CHST6: variants seen among roughly 807,000 people sequenced by gnomAD.
The protein encoded by CHST6 is N-acetylglucosamine 6-O-sulfotransferase 5.
For missense variants in CHST6, 698 were observed against 586.2 expected (o/e 1.19, Z -1.97); for synonymous variants, 309 against 276.4 (o/e 1.12, Z -1.17).
rs2080049771 is a variant in CHST6, at chr16:75,474,781, C to G, written c.*3860G>C. ...TAAAAGGCACCACTCTCAGGATAAC[C>G]AACTCACTCCTGAAATAATGGTGGT... is the stretch of plus-strand genomic sequence containing the variant. On this transcript the variant is annotated 3_prime_UTR_variant, in exon 3 of 3. Transcript: ENST00000332272. 7.5e-6 allele frequency: 3 copies of G among 397,914 alleles called. No homozygotes were observed. The highest frequency in any genetic ancestry group is 1.3e-5 in the Non-Finnish European group (3 of 225,736). The allele number at this position is 397,914 out of a possible 1,614,324, so 24.6% of individuals were successfully genotyped here. A position where few individuals can be genotyped will look rare whatever the true frequency, so the allele number is the denominator to read the frequency against.
chr16:75,487,806 T>TAAAAAAAAAAAA (rs771817845), intron 1 of CHST6, among the ~76,000 whole-genome samples: 1 of 56,200 alleles, frequency 1.8e-5, no homozygotes, highest in African/African-American at 6.7e-5. Flanking sequence ...CCGTCCCCCC[T>TAAAAAAAAAAAA]AAAAAAAAAA....
At chr16:75,483,311 G>C (rs115391877) in intron 1 of CHST6, among the ~76,000 whole-genome samples, 59 of 152,302 alleles carry the variant, frequency 3.9e-4, no homozygotes, top group African/African-American at 1.4e-3. Flanking sequence ...CCCTTCCCTG[G>C]GTAGGGAGGA....
chr16:75,479,906 G>T (rs1189429451), intron 2 of CHST6, 62 bp from the exon 3 acceptor site: 4 of 1,413,964 alleles, frequency 2.8e-6, no homozygotes, highest in African/African-American at 1.4e-5. Context: ...GTACCCCACT[G>T]CCCAGTGCCC....
chr16:75,482,997 A>G (rs902671001), intron 1 of CHST6, among the ~76,000 whole-genome samples: 2 of 152,202 alleles, frequency 1.3e-5, no homozygotes, highest in Non-Finnish European at 2.9e-5. Context: ...GCTTCCTGCC[A>G]ATGGGGCGCC....
At chr16:75,479,945 G>T (rs980101417) in intron 2 of CHST6, 101 bp from the exon 3 acceptor site, 1 of 977,200 alleles carries the variant, frequency 1.0e-6, no homozygotes, top group Non-Finnish European at 1.5e-6. Flanking sequence ...CACCAGACCC[G>T]AGCATCCCAT....
intron 2 of CHST6, among the ~76,000 whole-genome samples, chr16:75,480,651 G>A (rs1475704073): frequency 6.6e-6 from 1 of 151,878 alleles, no homozygotes; most frequent in Non-Finnish European, 1.5e-5. Context: ...AATAGGCGCT[G>A]GGCGTGGTGG....
rs2080028315 is a variant in CHST6, at chr16:75,472,148, TATG to T, written c.*6490_*6492del. On this transcript the variant is annotated 3_prime_UTR_variant, in exon 3 of 3. Transcript: ENST00000332272. ...TAAGGAAAGGATTCACATTCAACAA[TATG>T]ATAAACTAGGTGAAACTTTTTGAAA... 1 of 152,224 alleles carries T rather than the reference TATG, an allele frequency of 6.6e-6. No homozygotes were observed. The highest frequency in any genetic ancestry group is 2.1e-4 in the South Asian group (1 of 4,830). The allele number at this position is 152,224 out of a possible 1,614,324, so 9.4% of individuals were successfully genotyped here.
rs183203023 is a variant in CHST6, at chr16:75,482,040, A to G, written c.-91-149T>C. The G allele has an allele frequency of 4.9e-3, 1,731 of 356,778 alleles. 6 individuals are homozygous for G. The highest frequency in any genetic ancestry group is 7.3e-3 in the Admixed American group (211 of 28,756). The allele number at this position is 356,778 out of a possible 1,614,324, so 22.1% of individuals were successfully genotyped here. A position where few individuals can be genotyped will look rare whatever the true frequency, so the allele number is the denominator to read the frequency against. On this transcript the variant is annotated intron_variant, in intron 1 of 2. Coordinates refer to ENST00000332272, the MANE Select transcript of CHST6 (RefSeq NM_021615.5). ...AGGGCTGTGAGATGCTGCTGCAAAC[A>G]CCTATGAAGAGGGGGCCTGGGAAAG...
Position 75,479,133 on chromosome 16 carries a change from C to G in CHST6, c.696G>C (p.Trp232Cys), listed in dbSNP as rs770503234. ...NGIVLGTNGTWVEADPGLRVV... is the reference protein window; with the variant it reads ...NGIVLGTNGTCVEADPGLRVV... The stretch of plus-strand genomic sequence containing the variant: ...CGCGCAGGCCGGGGTCGGCCTCCAC[C>G]CACGTGCCGTTGGTGCCCAGCACGA... The change falls in exon 3 of 3, where the codon TGG becomes TGC. Residue 232 changes from tryptophan to cysteine, a missense_variant. Trp to Cys is a radical substitution (Grantham distance 215). Coordinates refer to ENST00000332272, the MANE Select transcript of CHST6 (RefSeq NM_021615.5). 6.2e-7 allele frequency: 1 copy of G among 1,606,374 alleles called. No individual in the cohort carries two copies.
At chr16:75,485,802 A>C (rs1368700530) in intron 1 of CHST6, among the ~76,000 whole-genome samples, 2 of 152,200 alleles carry the variant, frequency 1.3e-5, no homozygotes, top group Non-Finnish European at 2.9e-5. Context: ...ACATCTGGCT[A>C]TGTGACGGTC....
intron 2 of CHST6, among the ~76,000 whole-genome samples, chr16:75,480,047 G>A (rs556425555): frequency 5.9e-5 from 9 of 152,300 alleles, no homozygotes; most frequent in South Asian, 2.1e-4. Flanking sequence ...AAGTACAAAT[G>A]CAGAATGCGG....
chr16:75,486,354 A>G (rs72789430), intron 1 of CHST6, among the ~76,000 whole-genome samples: 3,671 of 152,304 alleles, frequency 0.024, 73 homozygotes, highest in South Asian at 0.091. Flanking sequence ...TCCACTCAGT[A>G]CCCGTTTTTC....
At chr16:75,481,592 T>C (rs2080142632) in intron 2 of CHST6, among the ~76,000 whole-genome samples, 1 of 152,132 alleles carries the variant, frequency 6.6e-6, no homozygotes, top group Admixed American at 6.6e-5. Flanking sequence ...TGAGACTCTT[T>C]CTCAAAAACA....
intron 1 of CHST6, among the ~76,000 whole-genome samples, chr16:75,486,786 T>A (rs1446679825): frequency 6.6e-6 from 1 of 152,158 alleles, no homozygotes; most frequent in Non-Finnish European, 1.5e-5. Flanking sequence ...TTCTGTCACT[T>A]ACACCCAAGA....
Position 75,476,272 on chromosome 16 carries a change from C to T in CHST6, c.*2369G>A, listed in dbSNP as rs1003474386. On this transcript the variant is annotated 3_prime_UTR_variant, in exon 3 of 3. Transcript: ENST00000332272. The stretch of plus-strand genomic sequence containing the variant: ...GACATTCTTTAAAAGGCCCTGGAGA[C>T]TGGGTACAGTGGCTCATGCCTGTAA... The T allele has an allele frequency of 6.6e-6, 1 of 151,306 alleles. No homozygotes were observed. Among genetic ancestry groups the T allele is most frequent in the African/African-American group, 2.4e-5 (1 of 41,118 alleles). The allele number at this position is 151,306 out of a possible 1,614,324, so 9.4% of individuals were successfully genotyped here.
chr16:75,485,069 A>G (rs1000221234), intron 1 of CHST6, among the ~76,000 whole-genome samples: 1 of 152,056 alleles, frequency 6.6e-6, no homozygotes, highest in Non-Finnish European at 1.5e-5. Flanking sequence ...CCAACAAGTA[A>G]TTAATGGTGA....
chr16:75,493,565 C>T lies in CHST6; in HGVS notation c.-92+1375G>A, dbSNP rs369495910. Among the ~76,000 whole-genome samples, 24 of 151,236 alleles carry T rather than the reference C, an allele frequency of 1.6e-4. No homozygotes were observed. The East Asian group carries it at 3.9e-3, about 25-fold the overall frequency. On this transcript the variant is annotated intron_variant, in intron 1 of 2. Transcript: ENST00000332272. ...AAGTGGGGGAAACAATATAACCCAA[C>T]TCATGGGCTTGATTGAAAGAGTGAG... is the stretch of plus-strand genomic sequence containing the variant.
At position 75,477,259 on chromosome 16, in the gene CHST6, C is replaced by T. The variant is rs372781124; in HGVS notation, c.*1382G>A. The T allele has an allele frequency of 1.3e-5, 2 of 152,172 alleles. No individual in the cohort carries two copies. The highest frequency in any genetic ancestry group is 2.9e-5 in the Non-Finnish European group (2 of 68,028). 9.4% of individuals were successfully genotyped at this position (152,172 alleles called of 1,614,324 possible). A position where few individuals can be genotyped will look rare whatever the true frequency, so the allele number is the denominator to read the frequency against. On this transcript the variant is annotated 3_prime_UTR_variant, in exon 3 of 3. Transcript: ENST00000332272. ...GCTTCAAGGCTAATGTGCCTGTTCT[C>T]CCTCCACGTAAAGCAGAAAATGCCA...
In CHST6 at chr16:75,472,839, T is replaced by C. The variant is rs2080032313; in HGVS notation, c.*5802A>G. ...CCTATTCCAGGCAACACTGTTTCTATGCACCCATCAGCCCATCTAGTGCTT... is the reference window on the plus strand; with the variant it reads ...CCTATTCCAGGCAACACTGTTTCTACGCACCCATCAGCCCATCTAGTGCTT... On this transcript the variant is annotated 3_prime_UTR_variant, in exon 3 of 3. Transcript: ENST00000332272. 1 of 152,234 alleles carries C rather than the reference T, an allele frequency of 6.6e-6. No individual in the cohort carries two copies. Among genetic ancestry groups the C allele is most frequent in the South Asian group, 2.1e-4 (1 of 4,836 alleles). 9.4% of individuals were successfully genotyped at this position (152,234 alleles called of 1,614,324 possible).
Sources: gnomAD v4.1 joint callset for allele counts (sites outside exome capture counted in the v4.1 genomes callset) on GRCh38, gnomAD v4.1.1 for gene constraint, MANE v1.5 for transcripts, NCBI Gene and HGNC (gene_info 2026-07-23, HGNC 2026-07-21) for gene names.